The following TJP3 variants were observed in gnomAD, a reference collection of about 807,000 sequenced individuals.
TJP3 encodes tight junction protein ZO-3.
TJP3 carries 85 observed loss-of-function variants against 104.2 expected under a neutral mutation model. The ratio of observed to expected loss-of-function variants is 0.82; its 90% CI spans 0.68 to 0.98. TJP3 has a LOEUF of 0.98. Ranked by LOEUF, TJP3 falls within the 50% of genes least tolerant of loss-of-function variation. TJP3 has a pLI of 0.00. For synonymous variants in TJP3, 550 were observed against 550.6 expected (o/e 1.00, Z 0.02); for missense variants, 1,367 against 1,322.8 (o/e 1.03, Z -0.52).
At position 3,740,680 on chromosome 19, in the gene TJP3, C is replaced by G. The variant is rs1314746607; in HGVS notation, c.1760C>G (p.Thr587Ser). ...GGTCTTCGTCGAGGAGCCAAGAAGACCACTCAGCGGAGCCGTGAGGACCTC... is the reference window on the plus strand; with the variant it reads ...GGTCTTCGTCGAGGAGCCAAGAAGAGCACTCAGCGGAGCCGTGAGGACCTC... The part of the protein sequence containing the change: ...LRGLRRGAKK[T>S]TQRSREDLSA... Residue 587 changes from threonine (T) to serine (S), a missense_variant, in exon 14 of 21, where the codon ACC (threonine) becomes AGC (serine). Thr to Ser is a moderately conservative substitution (Grantham distance 58). Coordinates refer to ENST00000541714, the MANE Select transcript of TJP3 (RefSeq NM_001267560.2). 2.6e-5 allele frequency: 42 copies of G among 1,607,114 alleles called. No individual in the cohort carries two copies. The highest frequency in any genetic ancestry group is 3.5e-5 in the Non-Finnish European group (41 of 1,177,530).
chr19:3,719,732 C>CAAA (rs34047272), intron 1 of TJP3, among the ~76,000 whole-genome samples: 83 of 81,390 alleles, frequency 1.0e-3, no homozygotes, highest in East Asian at 1.8e-3. Context: ...GACTCCGTCT[C>CAAA]AAAAAAAAAA....
chr19:3,733,610 T>C lies in TJP3; in HGVS notation c.718-143T>C. ...GTCTCCACTCACAGCAGGAATCCAA[T>C]TCAACACTTTCCTTAGGGAGTGGCT... On this transcript the variant is annotated intron_variant, in intron 6 of 20. Coordinates refer to ENST00000541714, the MANE Select transcript of TJP3 (RefSeq NM_001267560.2). The C allele has an allele frequency of 2.7e-6, 3 of 1,106,272 alleles. No homozygotes were observed. In the South Asian group the frequency reaches 4.3e-5, roughly 16 times the overall value. 68.5% of individuals were successfully genotyped at this position (1,106,272 alleles called of 1,614,324 possible).
At chr19:3,738,234 G>A (rs1238168360) in intron 11 of TJP3, among the ~76,000 whole-genome samples, 1 of 152,180 alleles carries the variant, frequency 6.6e-6, no homozygotes, top group Non-Finnish European at 1.5e-5. Flanking sequence ...TTTCCATCGA[G>A]CTCCATGCCA....
chr19:3,746,886 C>A lies in TJP3; in HGVS notation c.2322+10C>A, dbSNP rs755275209. 2.4e-6 allele frequency: 2 copies of A among 821,922 alleles called. No individual in the cohort carries two copies. The highest frequency in any genetic ancestry group is 3.8e-6 in the Non-Finnish European group (2 of 526,682). The allele number at this position is 821,922 out of a possible 1,614,324, so 50.9% of individuals were successfully genotyped here. ...GACGGCGGAAGATCAGGTACTGCCGCGGTGTGGGTGGGTCGGGCAGGGAGG... is the reference window on the plus strand; with the variant it reads ...GACGGCGGAAGATCAGGTACTGCCGAGGTGTGGGTGGGTCGGGCAGGGAGG... On this transcript the variant is annotated intron_variant, in intron 18 of 20. Transcript: ENST00000541714. This position sits in a 1 kb window ranked among gnomAD's most constrained non-coding sequence, Gnocchi z 4.1.
rs1229362172 is a variant in TJP3 at position 3,746,133 on chromosome 19, C to G, written c.2010+52C>G. ...ATTTCATGGATGGGGGAAACCGAGG[C>G]CTGGGCATCCAACTGAATGTCCTGA... On this transcript the variant is annotated intron_variant, in intron 16 of 20. Coordinates refer to ENST00000541714, the MANE Select transcript of TJP3 (RefSeq NM_001267560.2). The surrounding 1 kb of genome is among the most constrained non-coding windows in gnomAD (Gnocchi z 4.1). The G allele has an allele frequency of 2.0e-6, 3 of 1,519,064 alleles. No homozygotes were observed. In the Admixed American group the frequency reaches 5.7e-5, roughly 29 times the overall value. The allele number at this position is 1,519,064 out of a possible 1,614,324, so 94.1% of individuals were successfully genotyped here.
At chr19:3,748,625 A>G (rs1346847467) in intron 19 of TJP3, among the ~76,000 whole-genome samples, 1 of 123,396 alleles carries the variant, frequency 8.1e-6, no homozygotes, top group East Asian at 2.4e-4. Context: ...CTGGAGTGCG[A>G]TGGCGTGATC....
intron 1 of TJP3, among the ~76,000 whole-genome samples, chr19:3,718,433 T>G (rs970046901): frequency 6.9e-5 from 10 of 144,110 alleles, no homozygotes; most frequent in Non-Finnish European, 1.2e-4. Context: ...AGGACAGGAA[T>G]GCAGCATTTT....
rs768449857 is a variant in TJP3 at position 3,746,676 on chromosome 19, C to T, written c.2202C>T (p.His734=). ...CACAAGCCCAGAAGCTGCGAAAACA[C>T]AGCAGCCACCTCTTCACAGGTTGGG... ...LYAQAQKLRK[H]SSHLFTATIP... The change falls in exon 17 of 21, where the codon CAC becomes CAT. Residue 734 remains histidine (H), a synonymous_variant. Coordinates refer to ENST00000541714, the MANE Select transcript of TJP3 (RefSeq NM_001267560.2). The surrounding 1 kb of genome is among the most constrained non-coding windows in gnomAD (Gnocchi z 4.1). 1.9e-6 allele frequency: 3 copies of T among 1,612,378 alleles called. No homozygotes were observed. In the East Asian group the frequency reaches 6.7e-5, roughly 36 times the overall value.
intron 1 of TJP3, among the ~76,000 whole-genome samples, chr19:3,718,211 AAGTGTGTGTGTGTGTGTGTGTGTGTGT>A (rs2036504630): frequency 1.2e-4 from 7 of 59,324 alleles, no homozygotes; most frequent in South Asian, 5.4e-4. Flanking sequence ...AAAAAAAAAA[AAGTGTGTGTGTGTGTGTGTGTGTGTGT>A]GTGTGTGTGT....
rs964103107 is a variant in TJP3, at chr19:3,730,179, G to T, written c.261+49G>T. 1.3e-6 allele frequency: 2 copies of T among 1,590,894 alleles called. No homozygotes were observed. Among genetic ancestry groups the T allele is most frequent in the Non-Finnish European group, 8.6e-7 (1 of 1,159,568 alleles). On this transcript the variant is annotated intron_variant, in intron 4 of 20. Coordinates refer to ENST00000541714, the MANE Select transcript of TJP3 (RefSeq NM_001267560.2). The surrounding 1 kb of genome is among the most constrained non-coding windows in gnomAD (Gnocchi z 7.3). The stretch of plus-strand genomic sequence containing the variant: ...GCCAGCATCTCTGACCCCAGCCTGG[G>T]TCGTGCCGCTGTGGGGGTTGTAAGC...
intron 7 of TJP3, among the ~76,000 whole-genome samples, chr19:3,734,125 G>A (rs2145687814): frequency 6.6e-6 from 1 of 152,310 alleles, no homozygotes; most frequent in Admixed American, 6.5e-5. Flanking sequence ...GGGTTCGAGC[G>A]ATTCTCGTGC....
chr19:3,738,724 C>T, intron 12 of TJP3, 61 bp downstream of exon 12: 2 of 1,491,238 alleles, frequency 1.3e-6, no homozygotes, highest in Non-Finnish European at 9.3e-7. Context: ...GGCTGTGTGG[C>T]CTGGTGGTGA....
chr19:3,748,946 C>A (rs992374928), intron 19 of TJP3, among the ~76,000 whole-genome samples: 1 of 147,848 alleles, frequency 6.8e-6, no homozygotes, highest in South Asian at 2.1e-4. Flanking sequence ...GCAACCTCGG[C>A]CTCCTGTGTT....
Position 3,739,034 on chromosome 19 carries a change from G to A in TJP3, c.1531G>A (p.Gly511Ser), listed in dbSNP as rs774751166. Residue 511 changes from glycine (G) to serine (S), a missense_variant, in exon 13 of 21, where the codon GGC becomes AGC. Coordinates refer to ENST00000541714, the MANE Select transcript of TJP3 (RefSeq NM_001267560.2). The part of the protein sequence containing the change: ...VFHVLDTLHP[G>S]PGQSHARGGH... ...CCACGTGCTGGACACGCTGCACCCC[G>A]GCCCCGGGCAGAGCCACGCACGAGG... 1.6e-5 allele frequency: 26 copies of A among 1,611,636 alleles called. No individual in the cohort carries two copies. The highest frequency in any genetic ancestry group is 9.9e-5 in the South Asian group (9 of 90,918).
At chr19:3,718,323 T>C (rs1458940163) in intron 1 of TJP3, among the ~76,000 whole-genome samples, 1 of 147,188 alleles carries the variant, frequency 6.8e-6, no homozygotes, top group East Asian at 2.1e-4. Flanking sequence ...CCTCAAGAGA[T>C]CCTCCCGCCT....
chr19:3,748,125 G>C, intron 19 of TJP3, 44 bp downstream of exon 19: 1 of 1,503,938 alleles, frequency 6.6e-7, no homozygotes. Context: ...GTCTCCGGAG[G>C]GGATGCCAGC....
intron 8 of TJP3, 131 bp from the exon 9 acceptor site, chr19:3,735,435 G>A (rs909534419): frequency 4.8e-6 from 4 of 836,870 alleles, no homozygotes; most frequent in Non-Finnish European, 6.0e-6. Context: ...CTGACCTCAG[G>A]TGATCTGCCC....
chr19:3,731,873 A>C (rs1286522773), intron 5 of TJP3, 62 bp from the exon 6 acceptor site: 3 of 1,438,392 alleles, frequency 2.1e-6, no homozygotes, highest in Non-Finnish European at 2.9e-6. Flanking sequence ...TTACAGCAGG[A>C]GAATGCTCCC....
Position 3,746,765 on chromosome 19 carries a change from C to A in TJP3, c.2222-11C>A. 1 of 1,604,818 alleles carries A rather than the reference C, an allele frequency of 6.2e-7. No individual in the cohort carries two copies. On this transcript the variant is annotated splice_polypyrimidine_tract_variant and intron_variant, in intron 17 of 20. Coordinates refer to ENST00000541714, the MANE Select transcript of TJP3 (RefSeq NM_001267560.2). This position sits in a 1 kb window ranked among gnomAD's most constrained non-coding sequence, Gnocchi z 4.1. ...GAGTCTCCTGCACACACTGACGTCC[C>A]CTCCCTGCAGCCACCATCCCTCTGA...
Sources: gnomAD v4.1 joint callset for allele counts (sites outside exome capture counted in the v4.1 genomes callset) on GRCh38, gnomAD v4.1.1 for gene constraint, Gnocchi (gnomAD v3.1) non-coding constraint, MANE v1.5 for transcripts, NCBI Gene and HGNC (gene_info 2026-07-23, HGNC 2026-07-21) for gene names.